The following ZFPM2 variants were observed in gnomAD, a reference collection of about 807,000 sequenced individuals.
ZFPM2 encodes zinc finger protein, FOG family member 2.
ZFPM2 carries 20 observed loss-of-function variants against 98.6 expected under a neutral mutation model. The ratio of observed to expected loss-of-function variants is 0.20; its 90% CI spans 0.14 to 0.29. The LOEUF (loss-of-function observed/expected upper bound fraction) is 0.29, where lower values mean the gene tolerates loss of function less well. Among genes scored for constraint, ZFPM2 ranks in the 10% least tolerant of loss-of-function variants. ZFPM2 has a pLI of 1.00. For missense variants in ZFPM2, 1,310 were observed against 1,388.6 expected (o/e 0.94, Z 0.90); for synonymous variants, 518 against 502.7 (o/e 1.03, Z -0.41).
At chr8:105,738,001 A>C (rs1586230200) in intron 5 of ZFPM2, among the ~76,000 whole-genome samples, 1 of 151,946 alleles carries the variant, frequency 6.6e-6, no homozygotes, top group Non-Finnish European at 1.5e-5. Context: ...AAAGCAGCTA[A>C]GTTTTTTTGA....
At chr8:105,649,624 A>G (rs1315553203) in intron 5 of ZFPM2, among the ~76,000 whole-genome samples, 1 of 152,208 alleles carries the variant, frequency 6.6e-6, no homozygotes, top group African/African-American at 2.4e-5. Flanking sequence ...CCTTTTCTGC[A>G]TCTATTGAGA....
In ZFPM2 at chr8:105,801,086, T is replaced by C. The variant is rs1813987673; in HGVS notation, c.1004T>C (p.Leu335Pro). Residue 335 changes from leucine (L) to proline (P), a missense_variant, in exon 8 of 8, where the codon CTA (leucine) becomes CCA (proline). Transcript: ENST00000407775. ...MEEFLPPGAS[L>P]KCTVCSYTAD... ...GAATTCCTGCCCCCTGGTGCTAGTC[T>C]AAAATGCACCGTCTGTAGCTACACT... is the stretch of plus-strand genomic sequence containing the variant. 1 of 1,613,918 alleles carries C rather than the reference T, an allele frequency of 6.2e-7. No individual in the cohort carries two copies.
At chr8:105,432,261 A>G (rs1350842863) in intron 2 of ZFPM2, among the ~76,000 whole-genome samples, 6 of 152,046 alleles carry the variant, frequency 3.9e-5, no homozygotes, top group Non-Finnish European at 8.8e-5. Flanking sequence ...GTGATCAAGC[A>G]GGAGGAAAAA....
chr8:105,683,469 A>G (rs571927032), intron 5 of ZFPM2, among the ~76,000 whole-genome samples: 1 of 152,284 alleles, frequency 6.6e-6, no homozygotes, highest in Admixed American at 6.5e-5. Context: ...ACAATGGATG[A>G]CTACAAGCCT....
chr8:105,437,339 G>T (rs1188276864), intron 2 of ZFPM2, among the ~76,000 whole-genome samples: 14 of 152,110 alleles, frequency 9.2e-5, no homozygotes, highest in Non-Finnish European at 1.9e-4. Context: ...ATGAATCTAG[G>T]TTATCAATAT....
intron 4 of ZFPM2, among the ~76,000 whole-genome samples, chr8:105,610,170 G>A (rs531803557): frequency 1.3e-5 from 2 of 152,126 alleles, no homozygotes; most frequent in East Asian, 1.9e-4. Flanking sequence ...TTAGATAGTC[G>A]CCTTAGTAAC....
At position 105,696,592 on chromosome 8, in the gene ZFPM2, G is replaced by C. The variant is rs375463443; in HGVS notation, c.532+62235G>C. On this transcript the variant is annotated intron_variant, in intron 5 of 7. Transcript: ENST00000407775. ...TAATATTTTTTCACCGAGGATATGCGTAAAGAAACAATAGCATTCGCATAG... is the reference window on the plus strand; with the variant it reads ...TAATATTTTTTCACCGAGGATATGCCTAAAGAAACAATAGCATTCGCATAG... Among the ~76,000 whole-genome samples, 4 of 152,198 alleles carry C rather than the reference G, an allele frequency of 2.6e-5. No individual in the cohort carries two copies. The East Asian group carries it at 5.8e-4, about 22-fold the overall frequency.
chr8:105,487,010 A>C (rs753211180), intron 3 of ZFPM2, among the ~76,000 whole-genome samples: 9 of 152,194 alleles, frequency 5.9e-5, no homozygotes, highest in Non-Finnish European at 8.8e-5. Context: ...TGAAGTACTC[A>C]CAGTGGCTTG....
At chr8:105,408,410 T>G (rs1174047800) in intron 1 of ZFPM2, among the ~76,000 whole-genome samples, 1 of 151,888 alleles carries the variant, frequency 6.6e-6, no homozygotes, top group Non-Finnish European at 1.5e-5. Flanking sequence ...TAAAGTTCCG[T>G]GTTGATATGT....
At chr8:105,772,712 A>T (rs139513317) in intron 5 of ZFPM2, among the ~76,000 whole-genome samples, 83 of 152,316 alleles carry the variant, frequency 5.4e-4, no homozygotes, top group African/African-American at 1.9e-3. Flanking sequence ...TCTGTGATGC[A>T]GGTTATGAAT....
chr8:105,396,354 G>C (rs1266227467), intron 1 of ZFPM2, among the ~76,000 whole-genome samples: 1 of 152,202 alleles, frequency 6.6e-6, no homozygotes, highest in Non-Finnish European at 1.5e-5. Context: ...GTTTGATGGA[G>C]TGTGAGTACC....
intron 5 of ZFPM2, among the ~76,000 whole-genome samples, chr8:105,775,791 G>A (rs542610838): frequency 6.6e-6 from 1 of 152,232 alleles, no homozygotes; most frequent in East Asian, 1.9e-4. Flanking sequence ...ACAAACCCCA[G>A]AATGCTGATG....
intron 3 of ZFPM2, among the ~76,000 whole-genome samples, chr8:105,523,122 A>AT (rs1047729181): frequency 7.9e-5 from 12 of 152,100 alleles, no homozygotes; most frequent in Non-Finnish European, 1.5e-4. Flanking sequence ...TGTCTTACAT[A>AT]TTTTTTTTGA....
Position 105,475,252 on chromosome 8 carries a change from A to G in ZFPM2, c.301+30871A>G, listed in dbSNP as rs142316758. On this transcript the variant is annotated intron_variant, in intron 3 of 7. Transcript: ENST00000407775. Reference sequence around the variant, plus strand: ...CCTCTAATTTTATAACCACAAGACAACCTTTCCAAGGAAAATCCCTAACCT... The same window carrying G: ...CCTCTAATTTTATAACCACAAGACAGCCTTTCCAAGGAAAATCCCTAACCT... 2.4e-4 allele frequency among the ~76,000 whole-genome samples: 37 copies of G among 152,268 alleles called. No individual in the cohort carries two copies. In the East Asian group the frequency reaches 5.6e-3, roughly 23 times the overall value.
intron 5 of ZFPM2, among the ~76,000 whole-genome samples, chr8:105,710,058 T>C (rs1242852765): frequency 2.0e-5 from 3 of 151,912 alleles, no homozygotes. Flanking sequence ...ATCATAAGAC[T>C]CATAAGGTTC....
intron 1 of ZFPM2, among the ~76,000 whole-genome samples, chr8:105,388,446 G>C (rs1811044626): frequency 6.6e-6 from 1 of 152,138 alleles, no homozygotes; most frequent in African/African-American, 2.4e-5. Flanking sequence ...AGATGAGAAG[G>C]CATTTGCAGT....
intron 1 of ZFPM2, among the ~76,000 whole-genome samples, chr8:105,323,099 T>C (rs1420969304): frequency 6.6e-6 from 1 of 151,810 alleles, no homozygotes; most frequent in Non-Finnish European, 1.5e-5. Flanking sequence ...TGCAAATAAT[T>C]GAGTATGGCT....
chr8:105,787,604 T>C (rs1009298973), intron 5 of ZFPM2: 9 of 151,972 alleles, frequency 5.9e-5, no homozygotes, highest in African/African-American at 1.7e-4. Context: ...GCTCTAAGGG[T>C]GGAAAAAATG....
At chr8:105,729,057 G>T (rs1196917973) in intron 5 of ZFPM2, among the ~76,000 whole-genome samples, 3 of 151,564 alleles carry the variant, frequency 2.0e-5, no homozygotes, top group Non-Finnish European at 3.0e-5. Context: ...TATATCTGAT[G>T]TTCTCCTGGA....
Sources: gnomAD v4.1 joint callset for allele counts (sites outside exome capture counted in the v4.1 genomes callset) on GRCh38, gnomAD v4.1.1 for gene constraint, MANE v1.5 for transcripts, NCBI Gene and HGNC (gene_info 2026-07-23, HGNC 2026-07-21) for gene names.